Variants in KCNK13 observed in about 807,000 individuals in gnomAD.
KCNK13 encodes the protein potassium channel subfamily K member 13.
Under a neutral mutation model 23.4 loss-of-function variants are expected in KCNK13, and 12 were observed. That is an observed-to-expected ratio of 0.51 (90% CI 0.33 to 0.83). The LOEUF is 0.83. KCNK13 is among the 40% of genes least tolerant of loss of function. The probability of loss-of-function intolerance (pLI) is 0.02; values close to 1 mark genes in which losing one functional copy is unlikely to be tolerated. For synonymous variants in KCNK13, 231 were observed against 229.5 expected, an observed-to-expected ratio of 1.01 and a Z score of -0.06; for missense variants, 463 against 556.3, an observed-to-expected ratio of 0.83 and a Z score of 1.69.
intron 1 of KCNK13, among the ~76,000 whole-genome samples, chr14:90,147,026 A>G (rs377746951): frequency 2.0e-5 from 3 of 152,222 alleles, no homozygotes; most frequent in African/African-American, 7.2e-5. Context: ...ATGTTAACCT[A>G]TCACAATCTA....
At chr14:90,073,978 ATT>A (rs1378341466) in intron 1 of KCNK13, among the ~76,000 whole-genome samples, 1 of 145,772 alleles carries the variant, frequency 6.9e-6, no homozygotes, top group African/African-American at 2.6e-5. Flanking sequence ...CCCGACCAAG[ATT>A]TTTTTGTTTT....
chr14:90,101,940 A>G (rs1205810790), intron 1 of KCNK13, among the ~76,000 whole-genome samples: 3 of 151,258 alleles, frequency 2.0e-5, no homozygotes, highest in African/African-American at 7.3e-5. Flanking sequence ...TTGGAGTGCA[A>G]TGGCGCGAAC....
intron 1 of KCNK13, among the ~76,000 whole-genome samples, chr14:90,176,823 C>G (rs1000990947): frequency 6.6e-6 from 1 of 151,894 alleles, no homozygotes; most frequent in African/African-American, 2.4e-5. Flanking sequence ...AGATCAAGAC[C>G]ATCCTGGCCA....
At chr14:90,111,669 G>T (rs12589534) in intron 1 of KCNK13, among the ~76,000 whole-genome samples, 1 of 152,006 alleles carries the variant, frequency 6.6e-6, no homozygotes, top group Non-Finnish European at 1.5e-5. Flanking sequence ...GAGCCCTTTC[G>T]TCTCTAGATG....
chr14:90,142,227 T>A (rs150283676), intron 1 of KCNK13, among the ~76,000 whole-genome samples: 2 of 152,200 alleles, frequency 1.3e-5, no homozygotes, highest in Non-Finnish European at 2.9e-5. Context: ...TTTGATTGGC[T>A]CCTTTCACTC....
chr14:90,129,612 C>T lies in KCNK13; in HGVS notation c.335-54499C>T, dbSNP rs1188253411. On this transcript the variant is annotated intron_variant, in intron 1 of 1. Coordinates refer to ENST00000282146, the MANE Select transcript of KCNK13 (RefSeq NM_022054.4). Reference sequence around the variant, plus strand: ...GCCTGCTTCACATTATAAAATAATGCCCAATCGTTTTACTATGTTGCTGTG... The same window carrying T: ...GCCTGCTTCACATTATAAAATAATGTCCAATCGTTTTACTATGTTGCTGTG... 1.3e-5 allele frequency among the ~76,000 whole-genome samples: 2 copies of T among 152,050 alleles called. 1 individual carries two copies. Among genetic ancestry groups the T allele is most frequent in the East Asian group, 3.9e-4 (2 of 5,172 alleles).
intron 1 of KCNK13, among the ~76,000 whole-genome samples, chr14:90,076,452 A>T (rs991930858): frequency 3.3e-5 from 5 of 152,220 alleles, no homozygotes. Flanking sequence ...GGTGTGTGCC[A>T]GCTGAAAAGA....
chr14:90,171,363 T>C (rs968132136), intron 1 of KCNK13, among the ~76,000 whole-genome samples: 1 of 152,264 alleles, frequency 6.6e-6, no homozygotes, highest in Non-Finnish European at 1.5e-5. Context: ...GAAGGAACGA[T>C]GTCAAAGGAG....
At chr14:90,128,000 A>G (rs1054445186) in intron 1 of KCNK13, among the ~76,000 whole-genome samples, 2 of 152,104 alleles carry the variant, frequency 1.3e-5, no homozygotes, top group Admixed American at 1.3e-4. Context: ...CCCCAGACCT[A>G]TGGGAATCCA....
intron 1 of KCNK13, among the ~76,000 whole-genome samples, chr14:90,137,925 A>G (rs1186333098): frequency 3.3e-5 from 5 of 152,202 alleles, no homozygotes; most frequent in African/African-American, 1.2e-4. Flanking sequence ...TAGCGTGAAG[A>G]CAGGATCGGT....
At chr14:90,073,733 C>T (rs192210389) in intron 1 of KCNK13, among the ~76,000 whole-genome samples, 3 of 152,256 alleles carry the variant, frequency 2.0e-5, no homozygotes, top group Non-Finnish European at 2.9e-5. Context: ...TGCAGTGGCA[C>T]GATCTCGGCT....
chr14:90,122,154 G>A (rs1163821917), intron 1 of KCNK13, among the ~76,000 whole-genome samples: 2 of 151,818 alleles, frequency 1.3e-5, no homozygotes, highest in African/African-American at 2.4e-5. Flanking sequence ...CCCCCTTACT[G>A]GACATTTAGA....
chr14:90,170,061 G>A (rs1210141795), intron 1 of KCNK13, among the ~76,000 whole-genome samples: 1 of 152,080 alleles, frequency 6.6e-6, no homozygotes, highest in Non-Finnish European at 1.5e-5. Flanking sequence ...AAACCCACAA[G>A]CATGGAAATA....
At chr14:90,087,117 CAT>C (rs1244374995) in intron 1 of KCNK13, among the ~76,000 whole-genome samples, 27 of 125,668 alleles carry the variant, frequency 2.1e-4, no homozygotes, top group African/African-American at 7.2e-4. Flanking sequence ...TATATATATA[CAT>C]ATATATATAC....
At chr14:90,069,857 C>T (rs1479088930) in intron 1 of KCNK13, among the ~76,000 whole-genome samples, 1 of 152,140 alleles carries the variant, frequency 6.6e-6, no homozygotes, top group Non-Finnish European at 1.5e-5. Context: ...GAGGTGCAGA[C>T]AGCATAGATA....
chr14:90,071,677 T>C (rs1220547364), intron 1 of KCNK13, among the ~76,000 whole-genome samples: 1 of 152,146 alleles, frequency 6.6e-6, no homozygotes, highest in African/African-American at 2.4e-5. Context: ...GGTGGGCAGA[T>C]CATGAGGTCA....
chr14:90,163,850 C>T (rs1224772228), intron 1 of KCNK13, among the ~76,000 whole-genome samples: 1 of 152,164 alleles, frequency 6.6e-6, no homozygotes, highest in East Asian at 1.9e-4. Flanking sequence ...CCACCACCCC[C>T]AGCTAATTTT....
chr14:90,063,783 G>C (rs534444796), intron 1 of KCNK13, among the ~76,000 whole-genome samples: 2 of 152,280 alleles, frequency 1.3e-5, no homozygotes, highest in South Asian at 4.1e-4. Flanking sequence ...TTGGCTTCAG[G>C]TCAGATTCAT....
intron 1 of KCNK13, among the ~76,000 whole-genome samples, chr14:90,063,342 A>AT (rs758263563): frequency 1.3e-5 from 2 of 152,104 alleles, no homozygotes; most frequent in African/African-American, 2.4e-5. Context: ...GCCATTGAGA[A>AT]TTTTTTAGCA....
Sources: allele counts gnomAD v4.1 joint callset (sites outside exome capture counted in the v4.1 genomes callset), GRCh38; gene constraint gnomAD v4.1.1; transcripts MANE v1.5; gene names NCBI Gene and HGNC (gene_info 2026-07-23, HGNC 2026-07-21).